Variants in ENPP3 observed in about 807,000 individuals in gnomAD.
ENPP3 encodes ectonucleotide pyrophosphatase/phosphodiesterase family member 3.
A neutral mutation model predicts 117.8 loss-of-function variants in ENPP3; 104 were observed. That is an observed-to-expected ratio of 0.88 (90% CI 0.75 to 1.04). The LOEUF is 1.04. ENPP3 is among the 50% of genes least tolerant of loss of function. ENPP3 has a pLI of 0.00. For synonymous variants in ENPP3, 380 were observed against 349.9 expected (o/e 1.09, Z -0.96); for missense variants, 1,026 against 1,051.9 (o/e 0.98, Z 0.34).
chr6:131,644,234 T>C (rs1359974372), intron 2 of ENPP3, among the ~76,000 whole-genome samples: 1 of 152,230 alleles, frequency 6.6e-6, no homozygotes, highest in Non-Finnish European at 1.5e-5. Context: ...TCTTCAACTT[T>C]CATTCTGAGT....
intron 21 of ENPP3, among the ~76,000 whole-genome samples, chr6:131,735,791 G>A (rs1325662303): frequency 2.6e-5 from 4 of 152,094 alleles, no homozygotes; most frequent in African/African-American, 9.7e-5. Context: ...GAATCAGAGA[G>A]TGAAATGGTG....
chr6:131,652,313 T>G (rs1338395650), intron 3 of ENPP3, among the ~76,000 whole-genome samples: 1 of 152,242 alleles, frequency 6.6e-6, no homozygotes, highest in African/African-American at 2.4e-5. Context: ...ACAGTGTACC[T>G]GCTAAGTAAA....
At chr6:131,729,053 C>CCTATGTAT (rs1780217783) in intron 20 of ENPP3, among the ~76,000 whole-genome samples, 1 of 152,060 alleles carries the variant, frequency 6.6e-6, no homozygotes, top group Non-Finnish European at 1.5e-5. Context: ...TCTCTGTCTC[C>CCTATGTAT]CTATGTATCT....
At chr6:131,733,867 G>T (rs1414880205) in intron 21 of ENPP3, 144 bp downstream of exon 21, 3 of 778,082 alleles carry the variant, frequency 3.9e-6, no homozygotes, top group Non-Finnish European at 6.1e-6. Context: ...GTTGTGGCTG[G>T]CCAGAGCAGC....
At chr6:131,652,269 G>C (rs895414724) in intron 3 of ENPP3, among the ~76,000 whole-genome samples, 1 of 152,182 alleles carries the variant, frequency 6.6e-6, no homozygotes, top group Admixed American at 6.5e-5. Flanking sequence ...TCTTGGGTCG[G>C]AATAGGAGCC....
Position 131,724,108 on chromosome 6 carries a change from C to T in ENPP3, c.1798+17C>T. On this transcript the variant is annotated intron_variant, in intron 19 of 24. Transcript: ENST00000357639. ...AAGAAGAAAGTAAGTCAATAGAAAA[C>T]ATGTTAAGTCTTTGATATTTAGACC... 6.3e-7 allele frequency: 1 copy of T among 1,578,354 alleles called. No individual in the cohort carries two copies. The highest frequency in any genetic ancestry group is 8.7e-7 in the Non-Finnish European group (1 of 1,149,296).
intron 14 of ENPP3, among the ~76,000 whole-genome samples, chr6:131,688,695 G>A (rs9493054): frequency 0.019 from 2,907 of 152,210 alleles, 95 homozygotes; most frequent in African/African-American, 0.066. Flanking sequence ...AGGCTGAGAT[G>A]GGTGAGGAAG....
chr6:131,700,667 A>T, intron 15 of ENPP3: 1 of 1,559,190 alleles, frequency 6.4e-7, no homozygotes, highest in Non-Finnish European at 8.6e-7. Flanking sequence ...GTCCAATCAC[A>T]CAGAGGTGGG....
chr6:131,692,554 TG>T, intron 14 of ENPP3, among the ~76,000 whole-genome samples: 1 of 150,646 alleles, frequency 6.6e-6, no homozygotes, highest in East Asian at 1.9e-4. Context: ...TCTACTAATA[TG>T]GTATATATAT....
chr6:131,699,069 A>C (rs1779468635), intron 15 of ENPP3, among the ~76,000 whole-genome samples: 2 of 143,234 alleles, frequency 1.4e-5, no homozygotes. Flanking sequence ...TAAAAATACA[A>C]ACCCTGTCTC....
intron 15 of ENPP3, among the ~76,000 whole-genome samples, chr6:131,696,279 A>G (rs569888018): frequency 7.2e-4 from 109 of 152,344 alleles, no homozygotes; most frequent in African/African-American, 2.4e-3. Flanking sequence ...TTTAAGAACT[A>G]GAGATAACCA....
rs1432788702 is a variant in ENPP3 at position 131,678,027 on chromosome 6, T to C, written c.1011+87T>C. On this transcript the variant is annotated intron_variant, in intron 11 of 24. Transcript: ENST00000357639. ...AAACAAGATAGTATTCTTTAACTTC[T>C]ACTGAGCACAAATGTATTTGATACA... The C allele has an allele frequency of 4.0e-6, 3 of 743,692 alleles. No homozygotes were observed. The East Asian group carries it at 7.9e-5, about 20-fold the overall frequency. The allele number at this position is 743,692 out of a possible 1,614,324, so 46.1% of individuals were successfully genotyped here.
intron 18 of ENPP3, among the ~76,000 whole-genome samples, chr6:131,723,714 G>A (rs1000079512): frequency 6.6e-6 from 1 of 151,994 alleles, no homozygotes; most frequent in Non-Finnish European, 1.5e-5. Flanking sequence ...AAAGCTTAAG[G>A]AGCACTGGGA....
At chr6:131,716,937 C>T (rs1226014428) in intron 15 of ENPP3, among the ~76,000 whole-genome samples, 1 of 151,670 alleles carries the variant, frequency 6.6e-6, no homozygotes, top group Non-Finnish European at 1.5e-5. Context: ...CGCCACTTCA[C>T]TCCAGCCTGG....
Position 131,722,523 on chromosome 6 carries a change from A to T in ENPP3, c.1746+118A>T, listed in dbSNP as rs1395448536. On this transcript the variant is annotated intron_variant, in intron 18 of 24. Coordinates refer to ENST00000357639, the MANE Select transcript of ENPP3 (RefSeq NM_005021.5). ...TGTGTTCCGCCTTGGATATTTACTT[A>T]GTAAATATATGTGGTTTCTCTGAAC... 5.3e-6 allele frequency: 4 copies of T among 752,638 alleles called. No individual in the cohort carries two copies. The African/African-American group carries it at 7.0e-5, about 13-fold the overall frequency. The allele number at this position is 752,638 out of a possible 1,614,324, so 46.6% of individuals were successfully genotyped here.
intron 20 of ENPP3, among the ~76,000 whole-genome samples, 153 bp downstream of exon 20, chr6:131,726,353 G>T (rs149086985): frequency 6.6e-6 from 1 of 152,320 alleles, no homozygotes; most frequent in African/African-American, 2.4e-5. Context: ...TTAGATAAAG[G>T]TTGTTATAGG....
intron 20 of ENPP3, among the ~76,000 whole-genome samples, chr6:131,733,183 A>G (rs1780322841): frequency 6.6e-6 from 1 of 152,218 alleles, no homozygotes; most frequent in Non-Finnish European, 1.5e-5. Flanking sequence ...GAAGAATAAT[A>G]TATCAATACT....
intron 15 of ENPP3, among the ~76,000 whole-genome samples, chr6:131,696,843 C>T (rs551801489): frequency 1.3e-5 from 2 of 149,794 alleles, no homozygotes; most frequent in African/African-American, 4.9e-5. Context: ...GATCTCGGCT[C>T]ATTGCAAGCT....
intron 6 of ENPP3, among the ~76,000 whole-genome samples, chr6:131,661,504 C>G (rs555206966): frequency 8.5e-5 from 13 of 152,140 alleles, no homozygotes; most frequent in African/African-American, 3.1e-4. Context: ...GTTGCCCAGG[C>G]TGGCCTCAAA....
Sources: allele counts gnomAD v4.1 joint callset (sites outside exome capture counted in the v4.1 genomes callset), GRCh38; gene constraint gnomAD v4.1.1; transcripts MANE v1.5; gene names NCBI Gene and HGNC (gene_info 2026-07-23, HGNC 2026-07-21).